Variants in POC5 observed in about 807,000 individuals in gnomAD.
POC5 encodes the protein POC5 centriolar protein, also known as centrosomal protein POC5.
A neutral mutation model predicts 62.9 loss-of-function variants in POC5; 48 were observed. That is an observed-to-expected ratio of 0.76 (90% CI 0.61 to 0.97). The LOEUF (loss-of-function observed/expected upper bound fraction) is 0.97. Ranked by LOEUF, POC5 falls within the 50% of genes least tolerant of loss-of-function variation. The pLI, the probability that POC5 is intolerant of heterozygous loss-of-function variation, is 0.00. For missense variants in POC5, 696 were observed against 679.5 expected, an observed-to-expected ratio of 1.02 and a Z score of -0.27; for synonymous variants, 236 against 228.2, an observed-to-expected ratio of 1.03 and a Z score of -0.31.
intron 5 of POC5, among the ~76,000 whole-genome samples, chr5:75,700,439 G>C (rs1054434141): frequency 3.3e-5 from 5 of 151,876 alleles, no homozygotes; most frequent in Admixed American, 1.3e-4. Flanking sequence ...TCTGATCTTT[G>C]ACAAACCTGA....
chr5:75,694,944 T>C, intron 5 of POC5, 113 bp from the exon 6 acceptor site: 1 of 739,598 alleles, frequency 1.4e-6, no homozygotes, highest in East Asian at 2.9e-5. Context: ...AACACAAAAG[T>C]CATTAAAACA....
rs1310193243 is a variant in POC5, at chr5:75,698,105, A to ATT, written c.514-3275_514-3274insAA. On this transcript the variant is annotated intron_variant, in intron 5 of 11. Coordinates refer to ENST00000428202, the MANE Select transcript of POC5 (RefSeq NM_001099271.2). ...GACCTACAAAGAGACTTAGACTCCC[A>ATT]CATATTAATAATGGGAGACTTTAAC... Among the ~76,000 whole-genome samples, 116 of 142,126 alleles carry ATT rather than the reference A, an allele frequency of 8.2e-4. 1 individual carries two copies. Among genetic ancestry groups the ATT allele is most frequent in the Non-Finnish European group, 1.6e-4 (10 of 63,742 alleles). 93.2% of individuals were successfully genotyped at this position (142,126 alleles called of 152,430 possible).
intron 2 of POC5, 65 bp downstream of exon 2, chr5:75,712,789 T>A: frequency 8.2e-7 from 1 of 1,219,564 alleles, no homozygotes; most frequent in African/African-American, 1.5e-5. Context: ...AAAATCCTAG[T>A]TTTCCCTTAC....
rs368956904 is a variant in POC5, at chr5:75,683,840, A to G, written c.1407+1367T>C. 9.1e-4 allele frequency among the ~76,000 whole-genome samples: 138 copies of G among 152,246 alleles called. 1 individual carries two copies. Among genetic ancestry groups the G allele is most frequent in the South Asian group, 2.5e-3 (12 of 4,826 alleles). ...TGCCTCAGCCTCCTGAGTAGCTGGG[A>G]GTACAAGTGCACAGCACCATGCCTG... On this transcript the variant is annotated intron_variant, in intron 10 of 11. Transcript: ENST00000428202.
In POC5 at chr5:75,709,284, T is replaced by A. The variant is rs187520569; in HGVS notation, c.85-1409A>T. On this transcript the variant is annotated intron_variant, in intron 2 of 11. Transcript: ENST00000428202. ...AAATTCAACCAGAATCTCCTTCATATTGCTATAATCAACCATTTTTGTTAG... is the reference window on the plus strand; with the variant it reads ...AAATTCAACCAGAATCTCCTTCATAATGCTATAATCAACCATTTTTGTTAG... 1.8e-4 allele frequency among the ~76,000 whole-genome samples: 28 copies of A among 152,342 alleles called. 1 individual carries two copies. Among genetic ancestry groups the A allele is most frequent in the Admixed American group, 1.7e-3 (26 of 15,306 alleles).
At chr5:75,712,496 G>C (rs754477422) in intron 2 of POC5, 135 of 1,513,984 alleles carry the variant, frequency 8.9e-5, no homozygotes, top group Non-Finnish European at 1.1e-4. Context: ...TAGAACTTTG[G>C]ATGGTTTGAT....
chr5:75,705,335 G>C (rs1372934975), intron 4 of POC5: 1 of 159,376 alleles, frequency 6.3e-6, no homozygotes, highest in African/African-American at 2.4e-5. Flanking sequence ...GTGGCATAAA[G>C]ATAGGATGAA....
intron 11 of POC5, among the ~76,000 whole-genome samples, chr5:75,676,091 A>T (rs1290747730): frequency 6.6e-6 from 1 of 152,242 alleles, no homozygotes; most frequent in Non-Finnish European, 1.5e-5. Context: ...ATCAGAAACA[A>T]GGGTTCTAAA....
At chr5:75,688,980 A>T in intron 9 of POC5, 32 bp downstream of exon 9, 1 of 1,504,044 alleles carries the variant, frequency 6.6e-7, no homozygotes, top group Non-Finnish European at 8.9e-7. Context: ...TTTTTTTGAA[A>T]TTAGGCAGAG....
chr5:75,701,105 C>T lies in POC5; in HGVS notation c.513+1500G>A, dbSNP rs912217979. ...GAGAGGATGTGGAGAAATAGGAACA[C>T]TTTTACACTGTTGGTGGGACTGTAA... On this transcript the variant is annotated intron_variant, in intron 5 of 11. Coordinates refer to ENST00000428202, the MANE Select transcript of POC5 (RefSeq NM_001099271.2). Among the ~76,000 whole-genome samples, 3 of 126,472 alleles carry T rather than the reference C, an allele frequency of 2.4e-5. No individual in the cohort carries two copies. In the Admixed American group the frequency reaches 2.5e-4, roughly 10 times the overall value. 83.0% of individuals were successfully genotyped at this position (126,472 alleles called of 152,430 possible).
chr5:75,687,945 A>G (rs1206185183), intron 9 of POC5, among the ~76,000 whole-genome samples: 1 of 152,188 alleles, frequency 6.6e-6, no homozygotes, highest in Non-Finnish European at 1.5e-5. Context: ...TATTGGAAAA[A>G]TCAAGTACTC....
At chr5:75,690,884 G>T (rs1002415323) in intron 7 of POC5, among the ~76,000 whole-genome samples, 1 of 152,310 alleles carries the variant, frequency 6.6e-6, no homozygotes, top group East Asian at 1.9e-4. Context: ...ATCACCACTT[G>T]CCATCTTAGT....
In POC5 at chr5:75,715,794, G is replaced by A. The variant is rs77652808; in HGVS notation, c.-15+1512C>T. 4.4e-3 allele frequency among the ~76,000 whole-genome samples: 676 copies of A among 152,344 alleles called. 4 individuals carry two copies. Among genetic ancestry groups the A allele is most frequent in the Non-Finnish European group, 5.0e-3 (343 of 68,026 alleles). Reference sequence around the variant, plus strand: ...AGTTAAGGACTACGACTGTGAATGAGAAGAGGGTTAAAGCCAGAACCACTA... The same window carrying A: ...AGTTAAGGACTACGACTGTGAATGAAAAGAGGGTTAAAGCCAGAACCACTA... On this transcript the variant is annotated intron_variant, in intron 1 of 11. Transcript: ENST00000428202.
Position 75,712,576 on chromosome 5 carries a change from C to CA in POC5, c.84+277dup, listed in dbSNP as rs763668776. 14 of 961,510 alleles carry CA rather than the reference C, an allele frequency of 1.5e-5. No individual in the cohort carries two copies. The South Asian group carries it at 1.5e-4, about 10-fold the overall frequency. The allele number at this position is 961,510 out of a possible 1,614,324, so 59.6% of individuals were successfully genotyped here. A position where few individuals can be genotyped will look rare whatever the true frequency, so the allele number is the denominator to read the frequency against. ...GTAGCTAAAATGAAAAAAATTTAAA[C>CA]AAAAAAATGTTTCTTGAACATTTGT... On this transcript the variant is annotated intron_variant, in intron 2 of 11. Coordinates refer to ENST00000428202, the MANE Select transcript of POC5 (RefSeq NM_001099271.2).
At chr5:75,694,344 T>TA (rs1453144193) in intron 6 of POC5, among the ~76,000 whole-genome samples, 1 of 151,708 alleles carries the variant, frequency 6.6e-6, no homozygotes, top group Admixed American at 6.6e-5. Flanking sequence ...ATACTCTTTT[T>TA]AAAAAAAAAT....
At chr5:75,713,006 CT>C in intron 1 of POC5, 55 bp from the exon 2 acceptor site, 15 of 1,275,478 alleles carry the variant, frequency 1.2e-5, no homozygotes, top group Non-Finnish European at 1.7e-5. Context: ...AGATAAAATC[CT>C]TTCCAGATAT....
intron 2 of POC5, 77 bp downstream of exon 2, chr5:75,712,777 A>G: frequency 8.8e-7 from 1 of 1,137,372 alleles, no homozygotes; most frequent in South Asian, 1.5e-5. Context: ...AAAAATTATT[A>G]AAAAATCCTA....
intron 9 of POC5, among the ~76,000 whole-genome samples, chr5:75,686,227 G>A (rs867171583): frequency 2.0e-5 from 3 of 152,014 alleles, no homozygotes; most frequent in South Asian, 2.1e-4. Flanking sequence ...AGATGTTTTC[G>A]CTCCAGTATT....
intron 10 of POC5, among the ~76,000 whole-genome samples, chr5:75,680,747 AG>A (rs1306618605): frequency 2.0e-5 from 3 of 152,144 alleles, no homozygotes; most frequent in African/African-American, 7.2e-5. Context: ...TTGTTTGGAA[AG>A]TTTTGTTAGG....
Sources: allele counts gnomAD v4.1 joint callset (sites outside exome capture counted in the v4.1 genomes callset), GRCh38; gene constraint gnomAD v4.1.1; transcripts MANE v1.5; gene names NCBI Gene and HGNC (gene_info 2026-07-23, HGNC 2026-07-21).